The following MACF1 variants were observed in gnomAD, a reference collection of about 807,000 sequenced individuals.
MACF1 encodes the protein microtubule-actin cross-linking factor 1.
Under a neutral mutation model 854.8 loss-of-function variants are expected in MACF1, and 193 were observed. The observed-to-expected ratio is 0.23, with a 90% CI of 0.20 to 0.25. The LOEUF is 0.25. Among genes scored for constraint, MACF1 ranks in the 10% least tolerant of loss-of-function variants. The probability of loss-of-function intolerance (pLI) is 1.00; values close to 1 mark genes in which losing one functional copy is unlikely to be tolerated. For missense variants in MACF1, 7,722 were observed against 8,929.1 expected, an observed-to-expected ratio of 0.86 and a Z score of 5.45; for synonymous variants, 3,185 against 3,226.7, an observed-to-expected ratio of 0.99 and a Z score of 0.44.
intron 58 of MACF1, among the ~76,000 whole-genome samples, chr1:39,419,153 G>A (rs957671075): frequency 1.3e-5 from 2 of 152,162 alleles, no homozygotes; most frequent in Non-Finnish European, 2.9e-5. Flanking sequence ...TCAAATGTAC[G>A]TTCTTTAACG....
At chr1:39,098,680 C>G (rs567883549) in intron 2 of MACF1, among the ~76,000 whole-genome samples, 1 of 152,292 alleles carries the variant, frequency 6.6e-6, no homozygotes, top group East Asian at 1.9e-4. Flanking sequence ...GGTGGAGCGA[C>G]TTGGCCAGTT....
intron 1 of MACF1, among the ~76,000 whole-genome samples, chr1:39,211,159 G>T (rs965534901): frequency 1.3e-5 from 2 of 151,992 alleles, no homozygotes; most frequent in Non-Finnish European, 2.9e-5. Context: ...GTAGAAGTGG[G>T]GTTTTACCAT....
intron 52 of MACF1, among the ~76,000 whole-genome samples, chr1:39,377,994 ACT>A (rs1425318032): frequency 1.3e-5 from 2 of 150,402 alleles, no homozygotes; most frequent in East Asian, 3.9e-4. Context: ...ACAGAGTGAG[ACT>A]CTGTCTCAAA....
chr1:39,388,848 C>A (rs1450139677), intron 58 of MACF1, among the ~76,000 whole-genome samples, 190 bp downstream of exon 58: 1 of 117,388 alleles, frequency 8.5e-6, no homozygotes, highest in Non-Finnish European at 1.8e-5. Flanking sequence ...GAGCATTTTT[C>A]TTTTTCTTTT....
chr1:39,164,585 T>G (rs1056148762), intron 2 of MACF1, among the ~76,000 whole-genome samples: 1 of 152,222 alleles, frequency 6.6e-6, no homozygotes, highest in African/African-American at 2.4e-5. Context: ...TTAAATAGCT[T>G]CATTGATCCT....
At chr1:39,143,999 A>G (rs1643406527) in intron 2 of MACF1, among the ~76,000 whole-genome samples, 2 of 151,274 alleles carry the variant, frequency 1.3e-5, no homozygotes, top group South Asian at 4.2e-4. Context: ...TGTGTTAGCC[A>G]GGATGATCTT....
At chr1:39,126,857 C>G (rs1234431089) in intron 2 of MACF1, among the ~76,000 whole-genome samples, 1 of 152,034 alleles carries the variant, frequency 6.6e-6, no homozygotes, top group Admixed American at 6.5e-5. Flanking sequence ...GTAACCTGGA[C>G]AGAGGAGTGA....
chr1:39,177,221 C>T (rs1392526765), intron 2 of MACF1, among the ~76,000 whole-genome samples: 12 of 152,108 alleles, frequency 7.9e-5, no homozygotes, highest in Non-Finnish European at 1.0e-4. Flanking sequence ...CCACAACCCC[C>T]GCCTCCCAGG....
chr1:39,125,887 G>A (rs1327128608), intron 2 of MACF1, among the ~76,000 whole-genome samples: 1 of 152,198 alleles, frequency 6.6e-6, no homozygotes, highest in African/African-American at 2.4e-5. Flanking sequence ...CAGCTACTTG[G>A]AAGGCTGAGG....
chr1:39,386,499 T>C (rs1305552275), intron 57 of MACF1, among the ~76,000 whole-genome samples: 1 of 151,468 alleles, frequency 6.6e-6, no homozygotes, highest in Non-Finnish European at 1.5e-5. Flanking sequence ...TGGCACGATC[T>C]TGGATCACTG....
chr1:39,291,205 G>A (rs1326955209), intron 15 of MACF1, among the ~76,000 whole-genome samples: 1 of 152,022 alleles, frequency 6.6e-6, no homozygotes, highest in African/African-American at 2.4e-5. Context: ...TCGAACTCCT[G>A]ACCTCAGGTG....
rs191534437 is a variant in MACF1, at chr1:39,433,748, G to A, written c.17565+593G>A. The stretch of plus-strand genomic sequence containing the variant: ...AAACTTGATAGGCAAAGATTCCATC[G>A]TAGCCCCTTAGATGTTCAGTTTTAA... On this transcript the variant is annotated intron_variant, in intron 68 of 100. Coordinates refer to ENST00000564288, the MANE Select transcript of MACF1 (RefSeq NM_001394062.1). Among the ~76,000 whole-genome samples the A allele has an allele frequency of 6.1e-3, 935 of 152,080 alleles. 9 individuals carry two copies. Among genetic ancestry groups the A allele is most frequent in the Non-Finnish European group, 0.011 (757 of 67,978 alleles).
At position 39,428,259 on chromosome 1, in the gene MACF1, T is replaced by A. The variant is rs766117889; in HGVS notation, c.16775T>A (p.Val5592Asp). 6.2e-7 allele frequency: 1 copy of A among 1,613,066 alleles called. No individual in the cohort carries two copies. Among genetic ancestry groups the A allele is most frequent in the South Asian group, 1.1e-5 (1 of 90,830 alleles). Residue 5592 changes from valine (V) to aspartate (D), a missense_variant, in exon 63 of 101, where the codon GTC becomes GAC. Physicochemically the swap from Val to Asp is radical, Grantham distance 152. Around this residue, in one of 15 missense-constraint regions of MACF1, gnomAD observed 2,807 missense variants for 3,235.8 expected, o/e 0.87. Transcript: ENST00000564288. ...TTCGTAAAGGATTTCAAACAGGATG[T>A]CCTGCACAGGCAGCATGCTGACCAC... ...SVFVKDFKQD[V>D]LHRQHADHLA... is the part of the protein sequence containing the mutation.
chr1:39,297,223 G>A (rs1267206826), intron 20 of MACF1, among the ~76,000 whole-genome samples: 1 of 152,118 alleles, frequency 6.6e-6, no homozygotes, highest in East Asian at 1.9e-4. Flanking sequence ...ACCGCGCCTG[G>A]CCTTTTGCCC....
intron 58 of MACF1, chr1:39,410,801 C>G (rs1642960546): frequency 6.2e-7 from 1 of 1,613,876 alleles, no homozygotes; most frequent in Non-Finnish European, 8.5e-7. Flanking sequence ...ACAGAAAGTT[C>G]TGGTCATTTG....
At chr1:39,417,751 G>GTTTTTTTTTTTTTTT (rs1557643514) in intron 58 of MACF1, among the ~76,000 whole-genome samples, 1 of 101,018 alleles carries the variant, frequency 9.9e-6, no homozygotes, top group Non-Finnish European at 2.0e-5. Context: ...TTTTTTTTTG[G>GTTTTTTTTTTTTTTT]ATTTTTAGTA....
At chr1:39,187,005 T>G (rs1644182896) in intron 2 of MACF1, among the ~76,000 whole-genome samples, 1 of 149,086 alleles carries the variant, frequency 6.7e-6, no homozygotes, top group African/African-American at 2.4e-5. Context: ...TTTTTTTGGT[T>G]TTGAACATTA....
intron 58 of MACF1, among the ~76,000 whole-genome samples, chr1:39,420,167 T>C (rs886400613): frequency 6.6e-6 from 1 of 152,220 alleles, no homozygotes; most frequent in Non-Finnish European, 1.5e-5. Flanking sequence ...CTGGCTGTCA[T>C]GTTGGAAAGC....
chr1:39,363,953 G>A (rs1048856372), intron 49 of MACF1, among the ~76,000 whole-genome samples: 7 of 152,212 alleles, frequency 4.6e-5, no homozygotes, highest in South Asian at 4.1e-4. Flanking sequence ...TGTTGTTTCC[G>A]AAATTGTGCT....
Sources: gnomAD v4.1 joint callset for allele counts (sites outside exome capture counted in the v4.1 genomes callset) on GRCh38, gnomAD v4.1.1 for gene constraint, gnomAD v4.1.1 regional missense constraint, MANE v1.5 for transcripts, NCBI Gene and HGNC (gene_info 2026-07-23, HGNC 2026-07-21) for gene names.